The following MYO10 variants were observed in gnomAD, a reference collection of about 807,000 sequenced individuals.
MYO10 encodes unconventional myosin-X.
In MYO10, 133 loss-of-function variants were observed where a neutral mutation model predicts 257.3. That is an observed-to-expected ratio of 0.52 (90% CI 0.45 to 0.60). MYO10 has a LOEUF of 0.60. MYO10 is among the 20% of genes least tolerant of loss of function. MYO10 has a pLI of 0.00. For missense variants in MYO10, 2,399 were observed against 2,635.7 expected, an observed-to-expected ratio of 0.91 and a Z score of 1.97; for synonymous variants, 1,104 against 1,028.6, an observed-to-expected ratio of 1.07 and a Z score of -1.40.
intron 2 of MYO10, among the ~76,000 whole-genome samples, chr5:16,822,859 T>G (rs1452546081): frequency 6.6e-6 from 1 of 151,866 alleles, no homozygotes; most frequent in African/African-American, 2.4e-5. Flanking sequence ...GGCTAATTTT[T>G]TGTATTTTTA....
chr5:16,764,514 G>T, intron 11 of MYO10, 118 bp from the exon 12 acceptor site: 1 of 1,083,604 alleles, frequency 9.2e-7, no homozygotes, highest in Non-Finnish European at 1.3e-6. Flanking sequence ...GCCCTCCAGT[G>T]TGAAGTCAAT....
At chr5:16,769,004 T>C in intron 10 of MYO10, 70 bp downstream of exon 10, 1 of 1,508,930 alleles carries the variant, frequency 6.6e-7, no homozygotes, top group South Asian at 1.4e-5. Context: ...GGCTAGACAG[T>C]CAATAATTTA....
chr5:16,778,700 T>TTC (rs2126666859), intron 9 of MYO10, among the ~76,000 whole-genome samples: 1 of 148,822 alleles, frequency 6.7e-6, no homozygotes, highest in South Asian at 2.2e-4. Flanking sequence ...TTTTTTTTTT[T>TTC]TTTTTTTTTT....
intron 35 of MYO10, among the ~76,000 whole-genome samples, chr5:16,674,614 G>A (rs1352851671): frequency 7.0e-6 from 1 of 142,724 alleles, no homozygotes; most frequent in Non-Finnish European, 1.5e-5. Context: ...TTGATCCAAT[G>A]TCCTATACAT....
chr5:16,738,249 G>A (rs1739884723), intron 19 of MYO10: 1 of 985,406 alleles, frequency 1.0e-6, no homozygotes, highest in Non-Finnish European at 1.2e-6. Context: ...TCAAGAGGAG[G>A]AGGGGTGGTC....
At chr5:16,863,085 G>T (rs1744151236) in intron 2 of MYO10, among the ~76,000 whole-genome samples, 1 of 152,190 alleles carries the variant, frequency 6.6e-6, no homozygotes, top group South Asian at 2.1e-4. Flanking sequence ...GAGGAAAAAG[G>T]AGGCCAAAGT....
intron 19 of MYO10, among the ~76,000 whole-genome samples, chr5:16,724,710 T>C (rs1315988203): frequency 6.6e-6 from 1 of 151,922 alleles, no homozygotes; most frequent in African/African-American, 2.4e-5. Flanking sequence ...CATCTCTTTT[T>C]CCCCACTAAC....
chr5:16,822,600 G>A (rs957598223), intron 2 of MYO10, among the ~76,000 whole-genome samples: 1 of 152,202 alleles, frequency 6.6e-6, no homozygotes. Context: ...CAGAACCAGC[G>A]CCCTGCGTTC....
chr5:16,791,726 T>TG (rs1409101509), intron 4 of MYO10, among the ~76,000 whole-genome samples: 1 of 152,222 alleles, frequency 6.6e-6, no homozygotes, highest in Middle Eastern at 3.2e-3. Context: ...GACACCAACT[T>TG]GATCTGTTAA....
At chr5:16,735,630 C>T (rs552359386) in intron 19 of MYO10, among the ~76,000 whole-genome samples, 1 of 150,414 alleles carries the variant, frequency 6.6e-6, no homozygotes, top group African/African-American at 2.4e-5. Context: ...GAGGTCAAGG[C>T]TGCAGTGAGC....
intron 1 of MYO10, among the ~76,000 whole-genome samples, chr5:16,926,783 T>C (rs1156836235): frequency 1.3e-5 from 2 of 151,554 alleles, no homozygotes; most frequent in Non-Finnish European, 2.9e-5. Context: ...AAACAAACTA[T>C]TGTGACAATC....
At chr5:16,678,161 G>C (rs1736823004) in intron 33 of MYO10, among the ~76,000 whole-genome samples, 1 of 152,162 alleles carries the variant, frequency 6.6e-6, no homozygotes, top group African/African-American at 2.4e-5. Context: ...ATACATGATA[G>C]TTTTACTCCT....
At chr5:16,899,395 G>C (rs2562354) in intron 1 of MYO10, among the ~76,000 whole-genome samples, 72,788 of 151,388 alleles carry the variant, frequency 0.48, 17,566 homozygotes, top group Admixed American at 0.55. Flanking sequence ...GGCACTTCGG[G>C]AGGTGGAGGC....
intron 21 of MYO10, among the ~76,000 whole-genome samples, chr5:16,706,312 C>T (rs182366950): frequency 0.035 from 5,307 of 149,644 alleles, 362 homozygotes; most frequent in East Asian, 0.32. Flanking sequence ...TATATATATA[C>T]ACACACACAC....
chr5:16,676,100 G>A lies in MYO10; in HGVS notation c.4597C>T (p.Leu1533Phe). 1 of 1,613,498 alleles carries A rather than the reference G, an allele frequency of 6.2e-7. No homozygotes were observed. Among genetic ancestry groups the A allele is most frequent in the Non-Finnish European group, 8.5e-7 (1 of 1,179,720 alleles). Residue 1533 changes from leucine (L) to phenylalanine (F), a missense_variant, in exon 34 of 41, where the codon CTT becomes TTT. Coordinates refer to ENST00000513610, the MANE Select transcript of MYO10 (RefSeq NM_012334.3). ...TGCAAGGGGTGATGGGTGTATCGAA[G>A]GATCGGGTTCCGCTTGTAAATCTGT... ...VEQIYKRNPI[L>F]RYTHHPLHSP...
chr5:16,805,599 G>A (rs1260488756), intron 3 of MYO10, among the ~76,000 whole-genome samples: 3 of 152,098 alleles, frequency 2.0e-5, no homozygotes, highest in Non-Finnish European at 4.4e-5. Flanking sequence ...ATGATGCCAT[G>A]CAGTTTAAGA....
Position 16,694,495 on chromosome 5 carries a change from A to G in MYO10, c.3676T>C (p.Ser1226Pro). 1 of 1,613,854 alleles carries G rather than the reference A, an allele frequency of 6.2e-7. No homozygotes were observed. The highest frequency in any genetic ancestry group is 2.2e-5 in the East Asian group (1 of 44,876). Residue 1226 changes from serine (S) to proline (P), a missense_variant, in exon 27 of 41, where the codon TCC (serine) becomes CCC (proline). Coordinates refer to ENST00000513610, the MANE Select transcript of MYO10 (RefSeq NM_012334.3). ...QGWLHKKGGG[S>P]STLSRRNWKK... ...CAATTTCTCCTGGACAGCGTGGAGG[A>G]GCCCCCCCCTTTTTTGTGGAGCCAG... is the stretch of plus-strand genomic sequence containing the variant.
intron 2 of MYO10, among the ~76,000 whole-genome samples, chr5:16,844,424 TA>T (rs1170363326): frequency 2.2e-5 from 3 of 137,952 alleles, no homozygotes; most frequent in African/African-American, 1.1e-4. Flanking sequence ...ATTTTTTTTT[TA>T]GTGTCACAAA....
Position 16,665,396 on chromosome 5 carries a change from G to A in MYO10, c.*1296C>T, listed in dbSNP as rs1186630168. 3 of 152,134 alleles carry A rather than the reference G, an allele frequency of 2.0e-5. No homozygotes were observed. In the East Asian group the frequency reaches 5.8e-4, roughly 29 times the overall value. The allele number at this position is 152,134 out of a possible 1,614,324, so 9.4% of individuals were successfully genotyped here. On this transcript the variant is annotated 3_prime_UTR_variant, in exon 41 of 41. Transcript: ENST00000513610. ...GGACAAGGCAAATTTCTTTTTTCGT[G>A]TGGGTAGACTTAGTTGGCCCAAGTC...
Sources: gnomAD v4.1 joint callset for allele counts (sites outside exome capture counted in the v4.1 genomes callset) on GRCh38, gnomAD v4.1.1 for gene constraint, MANE v1.5 for transcripts, NCBI Gene and HGNC (gene_info 2026-07-23, HGNC 2026-07-21) for gene names.